The following DTNA variants were observed in gnomAD, a reference collection of about 807,000 sequenced individuals.
The protein encoded by DTNA is dystrophin-related protein 3.
DTNA carries 43 observed loss-of-function variants against 100.7 expected under a neutral mutation model. That is an observed-to-expected ratio of 0.43 (90% confidence interval 0.33 to 0.55). The LOEUF (loss-of-function observed/expected upper bound fraction) is 0.55. Ranked by LOEUF, DTNA falls within the 20% of genes least tolerant of loss-of-function variation. The pLI is 0.04. For synonymous variants in DTNA, 349 were observed against 347.9 expected (o/e 1.00, Z -0.04); for missense variants, 798 against 953.9 (o/e 0.84, Z 2.15).
Position 34,584,260 on chromosome 18 carries a change from G to T in DTNA, c.-2+90746G>T, listed in dbSNP as rs188202534. ...TACATTGCTTGAGCAGACAGCTAAA[G>T]AATACCACATATGGAGGAAAGTCTC... On this transcript the variant is annotated intron_variant, in intron 1 of 19. Coordinates refer to the DTNA transcript ENST00000283365. Among the ~76,000 whole-genome samples the T allele has an allele frequency of 1.2e-3, 183 of 152,030 alleles. 1 individual carries two copies. The highest frequency in any genetic ancestry group is 4.1e-3 in the African/African-American group (168 of 41,408).
chr18:34,795,020 A>G (rs1293222176), intron 4 of DTNA, among the ~76,000 whole-genome samples: 1 of 152,222 alleles, frequency 6.6e-6, no homozygotes, highest in Non-Finnish European at 1.5e-5. Flanking sequence ...CCTGAATTAC[A>G]TTCTCAGCCT....
At chr18:34,514,242 GTA>G (rs1280910845) in intron 1 of DTNA, among the ~76,000 whole-genome samples, 7 of 152,136 alleles carry the variant, frequency 4.6e-5, no homozygotes, top group Non-Finnish European at 8.8e-5. Context: ...TTGTGTGTGT[GTA>G]TAAATGTATG....
rs16965373 is a variant in DTNA at position 34,528,786 on chromosome 18, G to A, written c.-2+35272G>A. On this transcript the variant is annotated intron_variant, in intron 1 of 19. Transcript: ENST00000283365. ...ATGAGCCTGCTTTTCCTAGAAAATA[G>A]ATAATTTGACTTGAACTTAAACTTA... Among the ~76,000 whole-genome samples, 987 of 152,098 alleles carry A rather than the reference G, an allele frequency of 6.5e-3. 10 individuals are homozygous for A. The highest frequency in any genetic ancestry group is 0.022 in the African/African-American group (918 of 41,502).
intron 2 of DTNA, among the ~76,000 whole-genome samples, chr18:34,759,358 T>C (rs1290552950): frequency 2.0e-5 from 3 of 152,224 alleles, no homozygotes; most frequent in Non-Finnish European, 2.9e-5. Flanking sequence ...TAGCCTTATA[T>C]GGTAGTTACT....
At chr18:34,539,058 C>T (rs2043994680) in intron 1 of DTNA, among the ~76,000 whole-genome samples, 1 of 151,870 alleles carries the variant, frequency 6.6e-6, no homozygotes. Flanking sequence ...TTAAATGTCA[C>T]AAGTAAATGC....
At chr18:34,886,198 C>CT in intron 22 of DTNA, among the ~76,000 whole-genome samples, 1 of 152,366 alleles carries the variant, frequency 6.6e-6, no homozygotes, top group East Asian at 1.9e-4. Flanking sequence ...GCAAATGCTA[C>CT]TGACATCCTG....
intron 11 of DTNA, among the ~76,000 whole-genome samples, chr18:34,836,868 C>T (rs1162169930): frequency 1.3e-5 from 2 of 151,932 alleles, no homozygotes; most frequent in East Asian, 1.9e-4. Context: ...TTTTAATATA[C>T]ACTATTATAA....
intron 1 of DTNA, among the ~76,000 whole-genome samples, chr18:34,502,112 T>G (rs2144631346): frequency 6.6e-6 from 1 of 152,344 alleles, no homozygotes. Flanking sequence ...TTTAAGTTGA[T>G]TCAGGAATTG....
At chr18:34,648,667 C>T (rs2060120684) in intron 1 of DTNA, among the ~76,000 whole-genome samples, 1 of 152,140 alleles carries the variant, frequency 6.6e-6, no homozygotes, top group African/African-American at 2.4e-5. Context: ...CTTTTAGAAG[C>T]TTTGTTCCGA....
intron 1 of DTNA, among the ~76,000 whole-genome samples, chr18:34,604,517 G>T (rs1280681971): frequency 6.6e-6 from 1 of 152,018 alleles, no homozygotes; most frequent in Non-Finnish European, 1.5e-5. Context: ...AGCATTGCAG[G>T]GCTGCTCCTC....
intron 17 of DTNA, among the ~76,000 whole-genome samples, chr18:34,864,473 T>A (rs1471529525): frequency 6.6e-6 from 1 of 151,386 alleles, no homozygotes; most frequent in Non-Finnish European, 1.5e-5. Context: ...CAGGATGGTC[T>A]CGATCTCCTG....
At chr18:34,646,655 C>G (rs1209395884) in intron 1 of DTNA, among the ~76,000 whole-genome samples, 1 of 152,132 alleles carries the variant, frequency 6.6e-6, no homozygotes, top group Non-Finnish European at 1.5e-5. Flanking sequence ...ATGATTTATT[C>G]TTCTTTACAA....
chr18:34,687,960 T>G (rs1258367996), intron 1 of DTNA, among the ~76,000 whole-genome samples: 1 of 152,014 alleles, frequency 6.6e-6, no homozygotes, highest in African/African-American at 2.4e-5. Flanking sequence ...GGATTGCAAC[T>G]TCTGCTTTTT....
chr18:34,515,528 G>A (rs770495654), intron 1 of DTNA, among the ~76,000 whole-genome samples: 18 of 152,104 alleles, frequency 1.2e-4, no homozygotes, highest in Admixed American at 2.0e-4. Context: ...TGTGAAATAA[G>A]CCTTGTATTC....
intron 3 of DTNA, among the ~76,000 whole-genome samples, chr18:34,769,455 T>TC (rs2093649020): frequency 6.6e-6 from 1 of 152,176 alleles, no homozygotes; most frequent in Non-Finnish European, 1.5e-5. Flanking sequence ...ATGGAGTTTT[T>TC]CCCTACAGTA....
chr18:34,675,887 G>T lies in DTNA; in HGVS notation c.-1-80089G>T, dbSNP rs116354420. On this transcript the variant is annotated intron_variant, in intron 1 of 19. Coordinates refer to the DTNA transcript ENST00000283365. ...AACAATGAAAAAAGTTCCTGCCTTT[G>T]TGGAGCTATATTCTGGTGTGAAGAG... 5.4e-3 allele frequency among the ~76,000 whole-genome samples: 823 copies of T among 152,276 alleles called. 11 individuals are homozygous for T. Among genetic ancestry groups the T allele is most frequent in the African/African-American group, 0.019 (775 of 41,566 alleles).
At chr18:34,518,729 G>GTT (rs1476613963) in intron 1 of DTNA, among the ~76,000 whole-genome samples, 2 of 150,168 alleles carry the variant, frequency 1.3e-5, no homozygotes, top group East Asian at 3.9e-4. Flanking sequence ...GTGTGTGTGT[G>GTT]TGTGTGTGTG....
intron 1 of DTNA, among the ~76,000 whole-genome samples, chr18:34,637,001 C>T (rs1392957750): frequency 6.6e-6 from 1 of 152,022 alleles, no homozygotes; most frequent in African/African-American, 2.4e-5. Flanking sequence ...TGAAAGGACC[C>T]CAGAGAAGAG....
chr18:34,813,162 A>T (rs1270646440), intron 6 of DTNA, among the ~76,000 whole-genome samples: 1 of 152,130 alleles, frequency 6.6e-6, no homozygotes, highest in Non-Finnish European at 1.5e-5. Context: ...GAGAATCCAA[A>T]CTAACTTTTT....
Sources: gnomAD v4.1 joint callset for allele counts (sites outside exome capture counted in the v4.1 genomes callset) on GRCh38, gnomAD v4.1.1 for gene constraint, MANE v1.5 for transcripts, NCBI Gene and HGNC (gene_info 2026-07-23, HGNC 2026-07-21) for gene names.